Variants in EIF2AK3 observed in about 807,000 individuals in gnomAD.
EIF2AK3 encodes eukaryotic translation initiation factor 2-alpha kinase 3.
A neutral mutation model predicts 113.5 loss-of-function variants in EIF2AK3; 50 were observed. The ratio of observed to expected loss-of-function variants is 0.44; its 90% CI spans 0.35 to 0.56. The LOEUF is 0.56. Ranked by LOEUF, EIF2AK3 falls within the 20% of genes least tolerant of loss-of-function variation. EIF2AK3 has a pLI of 0.00. For synonymous variants in EIF2AK3, 448 were observed against 495.4 expected (o/e 0.90, Z 1.27); for missense variants, 1,185 against 1,378.0 (o/e 0.86, Z 2.22).
At chr2:88,619,193 G>A (rs1218091252) in intron 1 of EIF2AK3, among the ~76,000 whole-genome samples, 1 of 152,128 alleles carries the variant, frequency 6.6e-6, no homozygotes, top group Non-Finnish European at 1.5e-5. Flanking sequence ...GGTTCACCAT[G>A]TTGGCCAGGC....
Position 88,557,425 on chromosome 2 carries a change from T to C in EIF2AK3, c.*311A>G. The C allele has an allele frequency of 3.1e-6, 1 of 325,354 alleles. No individual in the cohort carries two copies. Among genetic ancestry groups the C allele is most frequent in the Non-Finnish European group, 5.9e-6 (1 of 170,294 alleles). 20.2% of individuals were successfully genotyped at this position (325,354 alleles called of 1,614,324 possible). Reference sequence around the variant, plus strand: ...AAAATATATCCATTTTAGTTCTCACTATATATATATATTAGGGATTGCTGC... The same window carrying C: ...AAAATATATCCATTTTAGTTCTCACCATATATATATATTAGGGATTGCTGC... On this transcript the variant is annotated 3_prime_UTR_variant, in exon 17 of 17. Transcript: ENST00000303236.
At chr2:88,599,053 A>G (rs1675088023) in intron 2 of EIF2AK3, among the ~76,000 whole-genome samples, 1 of 151,992 alleles carries the variant, frequency 6.6e-6, no homozygotes, top group African/African-American at 2.4e-5. Flanking sequence ...CGTTTATTGT[A>G]CAACTGTCTG....
At chr2:88,626,879 G>A in intron 1 of EIF2AK3, 88 bp downstream of exon 1, 1 of 1,530,130 alleles carries the variant, frequency 6.5e-7, no homozygotes, top group Non-Finnish European at 8.8e-7. Flanking sequence ...ACGCCCGCCC[G>A]GGTCCCGGAT....
chr2:88,606,429 A>C (rs2104458993), intron 2 of EIF2AK3, among the ~76,000 whole-genome samples: 1 of 152,352 alleles, frequency 6.6e-6, no homozygotes, highest in South Asian at 2.1e-4. Flanking sequence ...TAATATAACA[A>C]AATTAAATTA....
At chr2:88,592,421 T>TTA (rs1417882529) in intron 4 of EIF2AK3, among the ~76,000 whole-genome samples, 1 of 152,208 alleles carries the variant, frequency 6.6e-6, no homozygotes, top group African/African-American at 2.4e-5. Context: ...CAATTTTGTC[T>TTA]TAACATCTTT....
Position 88,575,240 on chromosome 2 carries a change from T to C in EIF2AK3, c.2243A>G (p.His748Arg). The change falls in exon 13 of 17, where the codon CAT becomes CGT. Residue 748 changes from histidine (H) to arginine (R), a missense_variant. Physicochemically the swap from His to Arg is conservative, Grantham distance 29 (BLOSUM62 0). This residue lies in a region of EIF2AK3 where 877 missense variants were observed against 1,024.2 expected (regional missense o/e 0.86). Transcript: ENST00000303236. Reference protein sequence around the residue: ...FSPLEFSGMDHEDISESVDAA... With the variant: ...FSPLEFSGMDREDISESVDAA... The stretch of plus-strand genomic sequence containing the variant: ...ATCCACTGACTCACTGATGTCCTCA[T>C]GGTCCATTCCTGAGAATTCCAGTGG... 6 of 1,613,710 alleles carry C rather than the reference T, an allele frequency of 3.7e-6. No individual in the cohort carries two copies. The highest frequency in any genetic ancestry group is 1.1e-5 in the South Asian group (1 of 91,078).
chr2:88,571,341 T>C (rs1674302911), intron 13 of EIF2AK3, among the ~76,000 whole-genome samples: 1 of 152,174 alleles, frequency 6.6e-6, no homozygotes, highest in Non-Finnish European at 1.5e-5. Context: ...TATTATTCTA[T>C]ATATTCTTCC....
At chr2:88,582,639 G>C (rs1317507498) in intron 10 of EIF2AK3, among the ~76,000 whole-genome samples, 1 of 152,032 alleles carries the variant, frequency 6.6e-6, no homozygotes, top group Non-Finnish European at 1.5e-5. Flanking sequence ...TATATATAAA[G>C]ATATATGCCT....
At chr2:88,578,345 C>T (rs926860987) in intron 11 of EIF2AK3, among the ~76,000 whole-genome samples, 1 of 151,828 alleles carries the variant, frequency 6.6e-6, no homozygotes. Flanking sequence ...GTCAGGAGTT[C>T]GAGACCAGCC....
At position 88,595,430 on chromosome 2, in the gene EIF2AK3, C is replaced by T. The variant is rs774112667; in HGVS notation, c.633+39G>A. 3.8e-6 allele frequency: 6 copies of T among 1,594,952 alleles called. No homozygotes were observed. The African/African-American group carries it at 6.7e-5, about 18-fold the overall frequency. ...AAATTACTTTTTCTACCCTAATTTA[C>T]TCTGATTTCCCCAAAGTAAATTCAG... On this transcript the variant is annotated intron_variant, in intron 3 of 16. Transcript: ENST00000303236.
At chr2:88,578,359 C>G (rs1674514178) in intron 11 of EIF2AK3, among the ~76,000 whole-genome samples, 1 of 152,032 alleles carries the variant, frequency 6.6e-6, no homozygotes, top group Admixed American at 6.6e-5. Flanking sequence ...ACCAGCCTGG[C>G]CAACACGGTG....
chr2:88,574,760 T>C lies in EIF2AK3; in HGVS notation c.2723A>G (p.Glu908Gly). The C allele has an allele frequency of 6.2e-7, 1 of 1,614,202 alleles. No individual in the cohort carries two copies. The highest frequency in any genetic ancestry group is 8.5e-7 in the Non-Finnish European group (1 of 1,180,034). The change falls in exon 13 of 17, where the codon GAG (glutamate) becomes GGG (glycine). Residue 908 changes from glutamate to glycine, a missense_variant. By Grantham distance (98) the Glu-to-Gly change is moderately conservative. Transcript: ENST00000303236. The part of the protein sequence containing the change: ...DWMNGRCTIE[E>G]RERSVCLHIF... ...GTGCAGACACACGCTCCTCTCTCTC[T>C]CCTCTATGGTACATCGTCCATTCAT...
intron 8 of EIF2AK3, among the ~76,000 whole-genome samples, chr2:88,587,490 A>G (rs558038277): frequency 2.0e-5 from 3 of 152,294 alleles, no homozygotes; most frequent in African/African-American, 7.2e-5. Flanking sequence ...CTTTTGCACT[A>G]ATTTCTCTTG....
intron 13 of EIF2AK3, 113 bp from the exon 14 acceptor site, chr2:88,571,154 G>T: frequency 7.7e-7 from 1 of 1,298,204 alleles, no homozygotes; most frequent in Non-Finnish European, 1.1e-6. Flanking sequence ...ATATTTTCAA[G>T]CATATTTCTT....
intron 7 of EIF2AK3, 67 bp downstream of exon 7, chr2:88,588,694 G>A (rs1674800609): frequency 1.3e-6 from 2 of 1,565,626 alleles, no homozygotes; most frequent in African/African-American, 2.7e-5. Flanking sequence ...TCAAAACTAG[G>A]GCAAAGACAG....
chr2:88,583,602 AT>A, intron 9 of EIF2AK3, 60 bp from the exon 10 acceptor site: 1 of 1,176,420 alleles, frequency 8.5e-7, no homozygotes, highest in South Asian at 1.2e-5. Flanking sequence ...TTAGCTAACA[AT>A]TTTAGGTTAT....
At chr2:88,579,300 T>C (rs996638715) in intron 11 of EIF2AK3, among the ~76,000 whole-genome samples, 1 of 152,150 alleles carries the variant, frequency 6.6e-6, no homozygotes, top group Non-Finnish European at 1.5e-5. Context: ...GAGTTAATAA[T>C]AAAAAACAAG....
rs59987968 is a variant in EIF2AK3, at chr2:88,601,834, CTT to C, written c.439-6173_439-6172del. On this transcript the variant is annotated intron_variant, in intron 2 of 16. Coordinates refer to ENST00000303236, the MANE Select transcript of EIF2AK3 (RefSeq NM_004836.7). ...TCTGCATTTATTAGTTAAGATTTTT[CTT>C]TTTTTTTTTTTTTTTTTTTGCTTTT... is the stretch of plus-strand genomic sequence containing the variant. Among the ~76,000 whole-genome samples the C allele has an allele frequency of 1.7e-3, 130 of 74,846 alleles. 2 individuals carry two copies. Among genetic ancestry groups the C allele is most frequent in the African/African-American group, 6.2e-3 (116 of 18,780 alleles). 49.1% of individuals were successfully genotyped at this position (74,846 alleles called of 152,430 possible).
At position 88,586,172 on chromosome 2, in the gene EIF2AK3, A is replaced by C. The variant is rs1674726913; in HGVS notation, c.1430-111T>G. On this transcript the variant is annotated intron_variant, in intron 8 of 16. Coordinates refer to ENST00000303236, the MANE Select transcript of EIF2AK3 (RefSeq NM_004836.7). Reference sequence around the variant, plus strand: ...GTGACTTATCACATTAATTCCTTTTAAGTTTTGTCTCTCTTCTTTAACGTA... The same window carrying C: ...GTGACTTATCACATTAATTCCTTTTCAGTTTTGTCTCTCTTCTTTAACGTA... The C allele has an allele frequency of 8.5e-6, 7 of 825,696 alleles. No homozygotes were observed. The Admixed American group carries it at 9.8e-5, about 12-fold the overall frequency. 51.1% of individuals were successfully genotyped at this position (825,696 alleles called of 1,614,324 possible).
Sources: allele counts gnomAD v4.1 joint callset (sites outside exome capture counted in the v4.1 genomes callset), GRCh38; gene constraint gnomAD v4.1.1; regional missense constraint gnomAD v4.1.1; transcripts MANE v1.5; gene names NCBI Gene and HGNC (gene_info 2026-07-23, HGNC 2026-07-21).